Variants in TRPV1 observed in about 807,000 individuals in gnomAD.
TRPV1 encodes OTRPC1.
In TRPV1, 82 loss-of-function variants were observed where a neutral mutation model predicts 82.3. The observed-to-expected ratio is 1.00, with a 90% CI of 0.83 to 1.20. The LOEUF (loss-of-function observed/expected upper bound fraction) is 1.20. Among genes scored for constraint, TRPV1 ranks in the 50% most tolerant of loss-of-function variants. TRPV1 has a pLI of 0.00. For missense variants in TRPV1, 1,067 were observed against 1,096.8 expected (o/e 0.97, Z 0.38); for synonymous variants, 515 against 467.7 (o/e 1.10, Z -1.30).
chr17:3,592,042 AGGGGGGCTCCAGACGC>A lies in TRPV1; in HGVS notation c.284+9_284+24del, dbSNP rs1567671818. 3.1e-6 allele frequency: 5 copies of A among 1,601,270 alleles called. No homozygotes were observed. The highest frequency in any genetic ancestry group is 4.3e-6 in the Non-Finnish European group (5 of 1,172,892). On this transcript the variant is annotated intron_variant, in intron 3 of 16. Transcript: ENST00000572705. ...ATGGCCAGCTGGGCTCCCAGCAGGG[AGGGGGGCTCCAGACGC>A]GGACTTACCTGGCACCGGTGGGGCC... is the stretch of plus-strand genomic sequence containing the variant.
In TRPV1 at chr17:3,585,962, C is replaced by T. The variant is rs200128746; in HGVS notation, c.1225-36G>A. The T allele has an allele frequency of 2.0e-5, 32 of 1,612,062 alleles. No individual in the cohort carries two copies. In the South Asian group the frequency reaches 3.5e-4, roughly 18 times the overall value. On this transcript the variant is annotated intron_variant, in intron 8 of 16. Coordinates refer to ENST00000572705, the MANE Select transcript of TRPV1 (RefSeq NM_080704.4). ...GGGAGAGAAGTGAGGTTCCCTCCTG[C>T]AGCAGGAACTCCTCGCACGCCCACA...
chr17:3,576,289 G>A (rs1315443078), intron 13 of TRPV1, among the ~76,000 whole-genome samples: 2 of 151,672 alleles, frequency 1.3e-5, no homozygotes, highest in Non-Finnish European at 2.9e-5. Context: ...AGGCCAAGGT[G>A]GGTGGATCAC....
rs779444665 is a variant in TRPV1, at chr17:3,590,316, G to A, written c.681C>T (p.Asp227=). ...AGTCCCCATGGGCCGCAGCCTGGAC[G>A]TCTGCTCCGTTCTCCACCAGGAGGG... is the stretch of plus-strand genomic sequence containing the variant. The part of the protein sequence containing the change: ...LVTLLVENGA[D]VQAAAHGDFF... The change falls in exon 6 of 17, where the codon GAC becomes GAT. Residue 227 remains aspartate, a synonymous_variant. Transcript: ENST00000572705. 21 of 1,613,860 alleles carry A rather than the reference G, an allele frequency of 1.3e-5. No homozygotes were observed. The African/African-American group carries it at 1.7e-4, about 13-fold the overall frequency.
intron 2 of TRPV1, among the ~76,000 whole-genome samples, chr17:3,597,489 T>A (rs2075229916): frequency 6.6e-6 from 1 of 152,084 alleles, no homozygotes; most frequent in South Asian, 2.1e-4. Context: ...GGACTTGTTT[T>A]GAGAGTCCGA....
At chr17:3,576,179 G>A (rs542795410) in intron 13 of TRPV1, among the ~76,000 whole-genome samples, 85 of 152,072 alleles carry the variant, frequency 5.6e-4, no homozygotes, top group Non-Finnish European at 7.2e-4. Flanking sequence ...CTGAGATGGC[G>A]CCACTGCACT....
At chr17:3,572,920 T>A (rs530711573) in intron 14 of TRPV1, among the ~76,000 whole-genome samples, 4 of 138,706 alleles carry the variant, frequency 2.9e-5, no homozygotes, top group African/African-American at 8.1e-5. Context: ...GAGGCAGAGG[T>A]TGCAGTCAGC....
intron 3 of TRPV1, 84 bp from the exon 4 acceptor site, chr17:3,591,437 T>G: frequency 6.8e-7 from 1 of 1,471,442 alleles, no homozygotes; most frequent in Non-Finnish European, 9.1e-7. Flanking sequence ...GGAACACGAC[T>G]AAATCCCAAG....
chr17:3,593,692 C>A (rs2075189497), intron 2 of TRPV1, among the ~76,000 whole-genome samples: 1 of 152,218 alleles, frequency 6.6e-6, no homozygotes, highest in South Asian at 2.1e-4. Context: ...GTCCTCCACA[C>A]AGTGGCCCAG....
chr17:3,579,723 G>A (rs948159094), intron 11 of TRPV1, among the ~76,000 whole-genome samples: 4 of 151,966 alleles, frequency 2.6e-5, no homozygotes, highest in African/African-American at 7.3e-5. Context: ...TGATCCACCC[G>A]CCTCAGCCTC....
chr17:3,596,716 C>T (rs768431857), intron 2 of TRPV1, among the ~76,000 whole-genome samples: 49 of 152,212 alleles, frequency 3.2e-4, no homozygotes, highest in Non-Finnish European at 1.8e-4. Context: ...ACCACAAGTT[C>T]GCTTCAGCCT....
chr17:3,591,635 C>T (rs879624172), intron 3 of TRPV1, among the ~76,000 whole-genome samples: 14 of 152,120 alleles, frequency 9.2e-5, no homozygotes, highest in Non-Finnish European at 1.5e-4. Context: ...CTCGGGAGCT[C>T]GGGAGGCAGG....
chr17:3,586,942 GGA>G (rs1188686557), intron 8 of TRPV1, among the ~76,000 whole-genome samples: 3 of 152,074 alleles, frequency 2.0e-5, no homozygotes, highest in African/African-American at 7.2e-5. Context: ...TTTGGGAATG[GGA>G]AACTCCTTAC....
chr17:3,588,424 G>T (rs1286623238), intron 7 of TRPV1, 57 bp from the exon 8 acceptor site: 6 of 1,521,228 alleles, frequency 3.9e-6, no homozygotes, highest in Non-Finnish European at 5.3e-6. Flanking sequence ...GCCTCAGACA[G>T]TACCTCAACA....
intron 3 of TRPV1, among the ~76,000 whole-genome samples, chr17:3,591,743 G>A (rs1003529651): frequency 6.6e-6 from 1 of 152,182 alleles, no homozygotes; most frequent in South Asian, 2.1e-4. Context: ...CCAGCCTGTG[G>A]CCCTCCCTGC....
At position 3,572,232 on chromosome 17, in the gene TRPV1, C is replaced by G. The variant is rs1184269883; in HGVS notation, c.2121G>C (p.Leu707=). 1 of 1,609,824 alleles carries G rather than the reference C, an allele frequency of 6.2e-7. No individual in the cohort carries two copies. Among genetic ancestry groups the G allele is most frequent in the South Asian group, 1.1e-5 (1 of 90,016 alleles). Residue 707 remains leucine (L), a synonymous_variant, in exon 15 of 17, where the codon CTG becomes CTC. Coordinates refer to ENST00000572705, the MANE Select transcript of TRPV1 (RefSeq NM_080704.4). Reference sequence around the variant, plus strand: ...ACTTAAGGAAGCTCTTCTCCGTGTCCAGGATGGTGATGGCTCTCTGCAGGA... The same window carrying G: ...ACTTAAGGAAGCTCTTCTCCGTGTCGAGGATGGTGATGGCTCTCTGCAGGA... ...IWKLQRAITI[L]DTEKSFLKCM...
At position 3,589,843 on chromosome 17, in the gene TRPV1, C is replaced by A. The variant is rs199990041; in HGVS notation, c.1008G>T (p.Thr336=). ...CGGTCCCAGCTGCCAGAGCCAGCGG[C>A]GTCATTCCCTTCTTGTTGGTGAGCT... ...LEELTNKKGM[T]PLALAAGTGK... Residue 336 remains threonine, a synonymous_variant, in exon 7 of 17, where the codon ACG becomes ACT. Transcript: ENST00000572705. 13 of 1,613,846 alleles carry A rather than the reference C, an allele frequency of 8.1e-6. No individual in the cohort carries two copies. The South Asian group carries it at 9.9e-5, about 12-fold the overall frequency.
In TRPV1 at chr17:3,581,923, G is replaced by C. The variant is rs574112008; in HGVS notation, c.1477-1396C>G. 2.1e-4 allele frequency among the ~76,000 whole-genome samples: 30 copies of C among 145,612 alleles called. No individual in the cohort carries two copies. The South Asian group carries it at 6.4e-3, about 31-fold the overall frequency. ...AATCACAATGGGGCCAGGCACAGTG[G>C]CTCACACCTGTAATCCCAGCACTTT... On this transcript the variant is annotated intron_variant, in intron 10 of 16. Transcript: ENST00000572705.
chr17:3,584,402 C>CAAAAAAAAAAAA lies in TRPV1; in HGVS notation c.1384-984_1384-973dup, dbSNP rs1447579699. ...TGGAAAACAGAGAGAGACTCTGTCT[C>CAAAAAAAAAAAA]AAAAAAAAAAAAAATAAAATAAAAA... is the stretch of plus-strand genomic sequence containing the variant. On this transcript the variant is annotated intron_variant, in intron 9 of 16. Transcript: ENST00000572705. 7.8e-4 allele frequency among the ~76,000 whole-genome samples: 13 copies of CAAAAAAAAAAAA among 16,772 alleles called. 1 individual carries two copies. Among genetic ancestry groups the CAAAAAAAAAAAA allele is most frequent in the African/African-American group, 2.3e-3 (10 of 4,344 alleles). The allele number at this position is 16,772 out of a possible 152,430, so 11.0% of individuals were successfully genotyped here.
intron 2 of TRPV1, among the ~76,000 whole-genome samples, chr17:3,602,773 G>A (rs1323408032): frequency 6.6e-6 from 1 of 152,218 alleles, no homozygotes; most frequent in African/African-American, 2.4e-5. Flanking sequence ...CTGAGCTCTT[G>A]ACACTGGCCA....
Sources: gnomAD v4.1 joint callset for allele counts (sites outside exome capture counted in the v4.1 genomes callset) on GRCh38, gnomAD v4.1.1 for gene constraint, MANE v1.5 for transcripts, NCBI Gene and HGNC (gene_info 2026-07-23, HGNC 2026-07-21) for gene names.